JMJD1C: variants seen among roughly 807,000 people sequenced by gnomAD.
JMJD1C encodes the protein jumonji domain-containing protein 1C.
JMJD1C carries 31 observed loss-of-function variants against 245.3 expected under a neutral mutation model. The ratio of observed to expected loss-of-function variants is 0.13; its 90% confidence interval spans 0.09 to 0.17. The LOEUF is 0.17. Ranked by LOEUF, JMJD1C falls within the 10% of genes least tolerant of loss-of-function variation. JMJD1C has a pLI of 1.00. For missense variants in JMJD1C, 2,691 were observed against 3,000.2 expected, an observed-to-expected ratio of 0.90 and a Z score of 2.41; for synonymous variants, 1,057 against 1,017.4, an observed-to-expected ratio of 1.04 and a Z score of -0.74.
intron 22 of JMJD1C, among the ~76,000 whole-genome samples, chr10:63,181,902 A>T (rs992864113): frequency 9.9e-5 from 15 of 152,186 alleles, no homozygotes; most frequent in Non-Finnish European, 2.2e-4. Flanking sequence ...CAGCGCTCAG[A>T]CAATAACTCA....
intron 3 of JMJD1C, among the ~76,000 whole-genome samples, chr10:63,257,040 T>A (rs989251066): frequency 1.3e-5 from 2 of 151,710 alleles, no homozygotes; most frequent in East Asian, 1.9e-4. Context: ...TTCGAGAACA[T>A]CCTGGCCAAC....
At chr10:63,424,342 C>G (rs1950304574) in intron 1 of JMJD1C, among the ~76,000 whole-genome samples, 1 of 151,546 alleles carries the variant, frequency 6.6e-6, no homozygotes, top group African/African-American at 2.4e-5. Flanking sequence ...GATGGGATTA[C>G]AGGCATGAGC....
chr10:63,300,925 C>T (rs1860005438), intron 2 of JMJD1C, among the ~76,000 whole-genome samples: 1 of 151,924 alleles, frequency 6.6e-6, no homozygotes, highest in African/African-American at 2.4e-5. Context: ...AAGAGACAAC[C>T]ATCTATAAAT....
In JMJD1C at chr10:63,207,778, C is replaced by T; in HGVS notation, c.3891G>A (p.Lys1297=). 3.1e-6 allele frequency: 5 copies of T among 1,614,230 alleles called. No homozygotes were observed. The highest frequency in any genetic ancestry group is 4.2e-6 in the Non-Finnish European group (5 of 1,180,032). Residue 1297 remains lysine, a synonymous_variant, in exon 10 of 26, where the codon AAG becomes AAA. Coordinates refer to ENST00000399262, the MANE Select transcript of JMJD1C (RefSeq NM_032776.3). ...TEWHVEKSSG[K]LQAAMASVIV... The stretch of plus-strand genomic sequence containing the variant: ...TGACAGATGCCATAGCAGCCTGTAA[C>T]TTTCCGCTGCTTTTCTCCACATGCC...
intron 3 of JMJD1C, among the ~76,000 whole-genome samples, chr10:63,232,786 T>C (rs1260859439): frequency 2.0e-5 from 3 of 152,228 alleles, no homozygotes; most frequent in Admixed American, 6.5e-5. Flanking sequence ...CAAAGTTCTA[T>C]GATGTTTCTA....
At chr10:63,462,449 AAGATATCCATGTCCTAATCCCAG>A (rs1267736674) in intron 1 of JMJD1C, among the ~76,000 whole-genome samples, 1 of 152,230 alleles carries the variant, frequency 6.6e-6, no homozygotes, top group African/African-American at 2.4e-5. Flanking sequence ...TTTAATCCCA[AAGATATCCATGTCCTAATCCCAG>A]GAACCTGTAA....
chr10:63,380,521 G>C (rs1425839840), intron 1 of JMJD1C, 39 bp from the exon 2 acceptor site: 1 of 1,526,808 alleles, frequency 6.5e-7, no homozygotes, highest in African/African-American at 1.4e-5. Flanking sequence ...TAGCAAAATA[G>C]AAGAGTGGTA....
chr10:63,213,758 C>A lies in JMJD1C; in HGVS notation c.2409G>T (p.Val803=), dbSNP rs2133214467. The change falls in exon 8 of 26, where the codon GTG becomes GTT. Residue 803 remains valine, a synonymous_variant. Transcript: ENST00000399262. ...GGCCACCAAGTAAGGAGGCAGTAGG[C>A]ACTCCAGGTAACACAGTGGGAAGTA... ...PHLLPTVLPG[V]PTASLLGGHP... 1 of 1,614,092 alleles carries A rather than the reference C, an allele frequency of 6.2e-7. No homozygotes were observed. The highest frequency in any genetic ancestry group is 1.3e-5 in the African/African-American group (1 of 75,042).
chr10:63,418,963 G>T (rs1480318437), intron 1 of JMJD1C, among the ~76,000 whole-genome samples: 1 of 151,572 alleles, frequency 6.6e-6, no homozygotes, highest in South Asian at 2.1e-4. Flanking sequence ...TGTAGCCCCA[G>T]CTACTCAGAA....
chr10:63,186,588 A>AT (rs1844158187), intron 18 of JMJD1C, among the ~76,000 whole-genome samples: 1 of 152,122 alleles, frequency 6.6e-6, no homozygotes, highest in Non-Finnish European at 1.5e-5. Flanking sequence ...TTTCGAGCCT[A>AT]ATGAGTTATT....
At chr10:63,398,984 C>G (rs1424323743) in intron 1 of JMJD1C, among the ~76,000 whole-genome samples, 1 of 149,040 alleles carries the variant, frequency 6.7e-6, no homozygotes, top group East Asian at 2.0e-4. Flanking sequence ...CCTCATCAAA[C>G]CTTTCGCTTC....
intron 2 of JMJD1C, among the ~76,000 whole-genome samples, chr10:63,272,983 G>A (rs1360072448): frequency 1.3e-5 from 2 of 152,064 alleles, no homozygotes; most frequent in African/African-American, 4.8e-5. Flanking sequence ...TAACACAAAT[G>A]TACTAATTTT....
chr10:63,182,396 G>A (rs1438889678), intron 22 of JMJD1C, among the ~76,000 whole-genome samples: 2 of 152,160 alleles, frequency 1.3e-5, no homozygotes, highest in East Asian at 1.9e-4. Context: ...ATCCAAATAC[G>A]TGTGAGTGAC....
intron 2 of JMJD1C, among the ~76,000 whole-genome samples, chr10:63,314,073 A>G (rs1939603486): frequency 6.6e-6 from 1 of 152,120 alleles, no homozygotes; most frequent in African/African-American, 2.4e-5. Context: ...TAAGTCTTTG[A>G]TCTACTTTGA....
chr10:63,197,979 A>C lies in JMJD1C; in HGVS notation c.5492-416T>G, dbSNP rs1309914241. Among the ~76,000 whole-genome samples, 4 of 152,228 alleles carry C rather than the reference A, an allele frequency of 2.6e-5. No individual in the cohort carries two copies. In the East Asian group the frequency reaches 5.8e-4, roughly 22 times the overall value. ...TTGCTAAGTGTCCCCTGAGGGGCAA[A>C]CCAGTGATTTCAAGGAAGGGAAGGA... is the stretch of plus-strand genomic sequence containing the variant. On this transcript the variant is annotated intron_variant, in intron 12 of 25. Coordinates refer to ENST00000399262, the MANE Select transcript of JMJD1C (RefSeq NM_032776.3).
At chr10:63,245,478 C>CTTTTT (rs71025134) in intron 3 of JMJD1C, among the ~76,000 whole-genome samples, 2,386 of 89,968 alleles carry the variant, frequency 0.027, 203 homozygotes, top group African/African-American at 0.063. Context: ...CAGGGGAACT[C>CTTTTT]TTTTTTTTTT....
At chr10:63,347,529 A>G (rs1943955124) in intron 2 of JMJD1C, among the ~76,000 whole-genome samples, 1 of 150,414 alleles carries the variant, frequency 6.6e-6, no homozygotes, top group Non-Finnish European at 1.5e-5. Context: ...AGTTGCAGTG[A>G]GCCAAGACTG....
chr10:63,511,603 C>T (rs896043484), intron 1 of JMJD1C, among the ~76,000 whole-genome samples: 4 of 151,804 alleles, frequency 2.6e-5, no homozygotes, highest in African/African-American at 9.7e-5. Context: ...CCAGTGACTC[C>T]GGAGGCTGAG....
At chr10:63,276,884 C>CTTGTTTT (rs1856826671) in intron 2 of JMJD1C, among the ~76,000 whole-genome samples, 1 of 96,254 alleles carries the variant, frequency 1.0e-5, no homozygotes, top group Non-Finnish European at 1.9e-5. Context: ...AAGCTTGGGG[C>CTTGTTTT]TTTTTTTTTT....
Sources: gnomAD v4.1 joint callset for allele counts (sites outside exome capture counted in the v4.1 genomes callset) on GRCh38, gnomAD v4.1.1 for gene constraint, MANE v1.5 for transcripts, NCBI Gene and HGNC (gene_info 2026-07-23, HGNC 2026-07-21) for gene names.